Variants in POC1B observed in about 807,000 individuals in gnomAD.
The protein encoded by POC1B is POC1 centriolar protein B.
POC1B carries 44 observed loss-of-function variants against 60.6 expected under a neutral mutation model. The observed-to-expected ratio is 0.73, with a 90% confidence interval of 0.57 to 0.93. POC1B has a LOEUF of 0.93. Among genes scored for constraint, POC1B ranks in the 40% least tolerant of loss-of-function variants. The pLI is 0.00. For missense variants in POC1B, 555 were observed against 572.3 expected (o/e 0.97, Z 0.31); for synonymous variants, 180 against 198.9 (o/e 0.90, Z 0.80).
In POC1B at chr12:89,514,402, C is replaced by CTTATT. The variant is rs772337483; in HGVS notation, c.100+10717_100+10718insAATAA. Among the ~76,000 whole-genome samples, 169 of 67,088 alleles carry CTTATT rather than the reference C, an allele frequency of 2.5e-3. 9 individuals are homozygous for CTTATT. The East Asian group carries it at 0.054, about 21-fold the overall frequency. The allele number at this position is 67,088 out of a possible 152,430, so 44.0% of individuals were successfully genotyped here. The stretch of plus-strand genomic sequence containing the variant: ...ATAAGTTACTCAGTTTCATGTATTT[C>CTTATT]TTTTTTTTTTTTTTTTTTTTTTTTT... On this transcript the variant is annotated intron_variant, in intron 2 of 11. Transcript: ENST00000313546.
intron 2 of POC1B, chr12:89,501,103 C>A (rs1472829213): frequency 8.0e-7 from 1 of 1,250,336 alleles, no homozygotes; most frequent in Non-Finnish European, 1.2e-6. Flanking sequence ...CACCATATCC[C>A]CGGCTGAGAG....
At chr12:89,489,829 T>C (rs796368585) in intron 4 of POC1B, among the ~76,000 whole-genome samples, 1 of 152,342 alleles carries the variant, frequency 6.6e-6, no homozygotes, top group African/African-American at 2.4e-5. Context: ...TATGTTTGTA[T>C]GACCCCTCCT....
chr12:89,459,443 G>A (rs1209661125), intron 10 of POC1B, among the ~76,000 whole-genome samples, 195 bp downstream of exon 10: 5 of 142,988 alleles, frequency 3.5e-5, no homozygotes, highest in African/African-American at 1.3e-4. Context: ...CCTGGAAATT[G>A]TTGCTGCTCC....
chr12:89,519,051 A>G (rs898779242), intron 2 of POC1B, among the ~76,000 whole-genome samples: 1 of 152,140 alleles, frequency 6.6e-6, no homozygotes, highest in African/African-American at 2.4e-5. Flanking sequence ...GACCGGGGAA[A>G]TATGAGGATA....
intron 10 of POC1B, among the ~76,000 whole-genome samples, chr12:89,430,987 A>G (rs1881006550): frequency 6.6e-6 from 1 of 152,156 alleles, no homozygotes; most frequent in African/African-American, 2.4e-5. Context: ...TCAGAGGTAC[A>G]GTGAGGAAGC....
chr12:89,425,583 T>C (rs1367878551), intron 10 of POC1B: 2 of 430,328 alleles, frequency 4.6e-6, no homozygotes, highest in South Asian at 8.1e-5. Context: ...TAACAGTGAA[T>C]AGAGACAATT....
At chr12:89,462,610 G>A (rs980202931) in intron 9 of POC1B, among the ~76,000 whole-genome samples, 2 of 152,096 alleles carry the variant, frequency 1.3e-5, no homozygotes, top group Admixed American at 6.6e-5. Context: ...CTAGTACAAC[G>A]TCCAGCACAC....
intron 10 of POC1B, among the ~76,000 whole-genome samples, chr12:89,432,851 G>A (rs894544699): frequency 5.3e-5 from 8 of 152,202 alleles, no homozygotes; most frequent in African/African-American, 1.4e-4. Flanking sequence ...TTACTGGCAC[G>A]TAGATCTTTT....
At chr12:89,432,368 C>A (rs961718479) in intron 10 of POC1B, among the ~76,000 whole-genome samples, 9 of 110,276 alleles carry the variant, frequency 8.2e-5, no homozygotes, top group South Asian at 3.1e-4. Flanking sequence ...GCCTGGGCAA[C>A]GAGACTCTGT....
chr12:89,474,398 GATA>G (rs745346458), intron 4 of POC1B, among the ~76,000 whole-genome samples: 4 of 152,086 alleles, frequency 2.6e-5, no homozygotes, highest in African/African-American at 9.7e-5. Context: ...GAAATGCTTA[GATA>G]ATAACAAAAT....
intron 2 of POC1B, among the ~76,000 whole-genome samples, chr12:89,498,386 A>G (rs1273067563): frequency 6.6e-6 from 1 of 152,252 alleles, no homozygotes; most frequent in Non-Finnish European, 1.5e-5. Context: ...ATATGCATGT[A>G]GCCCTAGAAT....
intron 2 of POC1B, chr12:89,500,592 C>T: frequency 6.2e-7 from 1 of 1,602,994 alleles, no homozygotes; most frequent in Non-Finnish European, 8.5e-7. Flanking sequence ...GATGCAAAAA[C>T]ATCTGTATCG....
the POC1B span, among the ~76,000 whole-genome samples, chr12:89,402,338 TACACAC>T: frequency 0.01 from 1,486 of 148,418 alleles, 10 homozygotes; most frequent in African/African-American, 0.025. Context: ...TTATCACAAA[TACACAC>T]ACACACACAC....
intron 4 of POC1B, among the ~76,000 whole-genome samples, chr12:89,480,725 T>C (rs894694577): frequency 2.0e-5 from 3 of 150,802 alleles, no homozygotes; most frequent in Non-Finnish European, 4.4e-5. Context: ...CTCAGCCTCC[T>C]GAGTAGCTGG....
intron 2 of POC1B, among the ~76,000 whole-genome samples, chr12:89,499,163 A>G (rs570855399): frequency 7.4e-4 from 113 of 152,280 alleles, no homozygotes; most frequent in African/African-American, 2.6e-3. Context: ...AAAAGGGGGC[A>G]GATGGAGGAG....
intron 4 of POC1B, among the ~76,000 whole-genome samples, chr12:89,488,453 AACAGCTATTATTATTAT>A (rs1868765195): frequency 1.3e-5 from 2 of 152,286 alleles, no homozygotes; most frequent in South Asian, 2.1e-4. Context: ...ACTGGACAAA[AACAGCTATTATTATTAT>A]ACAGCTATTA....
rs373774915 is a variant in POC1B at position 89,438,458 on chromosome 12, AAAAC to A, written c.1114-13083_1114-13080del. ...GGTGAAAGAGCGAGACTCCGTCTCA[AAAAC>A]AAACAAACAAACAAACAAACAAAAA... On this transcript the variant is annotated intron_variant, in intron 10 of 11. Coordinates refer to ENST00000313546, the MANE Select transcript of POC1B (RefSeq NM_172240.3). Among the ~76,000 whole-genome samples the A allele has an allele frequency of 7.5e-3, 1,137 of 152,322 alleles. 14 individuals are homozygous for A. Among genetic ancestry groups the A allele is most frequent in the African/African-American group, 0.025 (1,049 of 41,580 alleles).
chr12:89,469,521 A>G (rs1356380591), intron 7 of POC1B, among the ~76,000 whole-genome samples: 1 of 152,234 alleles, frequency 6.6e-6, no homozygotes, highest in Non-Finnish European at 1.5e-5. Flanking sequence ...AACACTAGAC[A>G]AGGGCAGGTC....
chr12:89,446,923 CA>C (rs1285127306), intron 10 of POC1B, among the ~76,000 whole-genome samples: 1 of 151,858 alleles, frequency 6.6e-6, no homozygotes, highest in African/African-American at 2.4e-5. Flanking sequence ...GGTACCAAGG[CA>C]AAAAGTAAAA....
Sources: gnomAD v4.1 joint callset for allele counts (sites outside exome capture counted in the v4.1 genomes callset) on GRCh38, gnomAD v4.1.1 for gene constraint, MANE v1.5 for transcripts, NCBI Gene and HGNC (gene_info 2026-07-23, HGNC 2026-07-21) for gene names.